UNC5D: variants seen among roughly 807,000 people sequenced by gnomAD.
UNC5D encodes netrin receptor UNC5D.
In UNC5D, 39 loss-of-function variants were observed where a neutral mutation model predicts 105.4. The observed-to-expected ratio is 0.37, with a 90% CI of 0.29 to 0.48. The LOEUF (loss-of-function observed/expected upper bound fraction) is 0.48, where lower values mean the gene tolerates loss of function less well. UNC5D is among the 20% of genes least tolerant of loss of function. The probability of loss-of-function intolerance (pLI) is 0.98; values close to 1 mark genes in which losing one functional copy is unlikely to be tolerated. For synonymous variants in UNC5D, 452 were observed against 450.4 expected, an observed-to-expected ratio of 1.00 and a Z score of -0.04; for missense variants, 991 against 1,202.4, an observed-to-expected ratio of 0.82 and a Z score of 2.60.
chr8:35,508,850 G>A (rs1812503102), intron 1 of UNC5D, among the ~76,000 whole-genome samples: 1 of 152,210 alleles, frequency 6.6e-6, no homozygotes, highest in Admixed American at 6.5e-5. Context: ...GAAATGAACT[G>A]GAGGTATTTG....
In UNC5D at chr8:35,549,417, G is replaced by T. The variant is rs1273419742; in HGVS notation, c.229G>T (p.Ala77Ser). ...CAACCCTATTGCACTCAGGTGCAAA[G>T]CGAGGCCAGCCATGCAGATATTCTT... ...KSNPIALRCK[A>S]RPAMQIFFKC... Residue 77 changes from alanine to serine, a missense_variant, in exon 2 of 17, where the codon GCG becomes TCG. Transcript: ENST00000404895. 1 of 1,613,192 alleles carries T rather than the reference G, an allele frequency of 6.2e-7. No individual in the cohort carries two copies. Among genetic ancestry groups the T allele is most frequent in the Non-Finnish European group, 8.5e-7 (1 of 1,180,044 alleles).
chr8:35,703,156 CTT>C (rs1234510963), intron 7 of UNC5D, among the ~76,000 whole-genome samples: 1 of 151,714 alleles, frequency 6.6e-6, no homozygotes, highest in Non-Finnish European at 1.5e-5. Context: ...GGAGTTGTGA[CTT>C]CTCTCTAAGC....
chr8:35,464,812 T>TAACA (rs1809177388), intron 1 of UNC5D, among the ~76,000 whole-genome samples: 1 of 152,242 alleles, frequency 6.6e-6, no homozygotes, highest in South Asian at 2.1e-4. Context: ...TTCCCACACA[T>TAACA]AACAGCATAA....
intron 11 of UNC5D, among the ~76,000 whole-genome samples, chr8:35,739,121 A>T (rs1829618843): frequency 6.6e-6 from 1 of 152,160 alleles, no homozygotes; most frequent in Non-Finnish European, 1.5e-5. Flanking sequence ...CTTTCAGGCT[A>T]CCAGTGCCAT....
chr8:35,388,131 TG>T (rs1229408698), intron 1 of UNC5D, among the ~76,000 whole-genome samples: 3 of 151,952 alleles, frequency 2.0e-5, no homozygotes, highest in Non-Finnish European at 4.4e-5. Flanking sequence ...CCCAGCACTT[TG>T]GGAGGCCGAG....
At chr8:35,330,734 G>A (rs1182103265) in intron 1 of UNC5D, among the ~76,000 whole-genome samples, 2 of 152,156 alleles carry the variant, frequency 1.3e-5, no homozygotes, top group Non-Finnish European at 2.9e-5. Flanking sequence ...TGGCATAGCT[G>A]GGGGCTGCAA....
At chr8:35,236,027 G>T (rs1481030435) in intron 1 of UNC5D, 140 bp downstream of exon 1, 2 of 715,540 alleles carry the variant, frequency 2.8e-6, no homozygotes, top group Admixed American at 4.4e-5. Context: ...GATGGGAGCC[G>T]AGTGGAGGAC....
intron 1 of UNC5D, among the ~76,000 whole-genome samples, chr8:35,547,721 A>G (rs1392413907): frequency 6.6e-6 from 1 of 152,242 alleles, no homozygotes; most frequent in Non-Finnish European, 1.5e-5. Flanking sequence ...GACATGCAGA[A>G]AGCAGGTCAG....
At chr8:35,394,706 G>A (rs953535883) in intron 1 of UNC5D, among the ~76,000 whole-genome samples, 1 of 152,060 alleles carries the variant, frequency 6.6e-6, no homozygotes, top group Non-Finnish European at 1.5e-5. Context: ...GACCAAAAAG[G>A]GAGGAACCGA....
At chr8:35,626,832 G>A (rs1225970038) in intron 4 of UNC5D, among the ~76,000 whole-genome samples, 1 of 152,098 alleles carries the variant, frequency 6.6e-6, no homozygotes, top group African/African-American at 2.4e-5. Flanking sequence ...ACACCTTGCT[G>A]ATACTTTTTT....
At chr8:35,457,840 G>C (rs1159245519) in intron 1 of UNC5D, among the ~76,000 whole-genome samples, 2 of 152,134 alleles carry the variant, frequency 1.3e-5, no homozygotes, top group Non-Finnish European at 2.9e-5. Context: ...TGTCCACACA[G>C]TAAGGGCTCA....
intron 1 of UNC5D, among the ~76,000 whole-genome samples, chr8:35,474,553 A>G (rs1165044354): frequency 6.6e-6 from 1 of 152,166 alleles, no homozygotes; most frequent in Non-Finnish European, 1.5e-5. Context: ...TAAATATTCC[A>G]TAAACTTCTC....
intron 7 of UNC5D, among the ~76,000 whole-genome samples, chr8:35,704,960 CTTTTTTTTTTT>C (rs1001514087): frequency 3.5e-5 from 4 of 115,594 alleles, no homozygotes; most frequent in African/African-American, 1.4e-4. Flanking sequence ...TGCTGAATGC[CTTTTTTTTTTT>C]TTTTTTTTTT....
chr8:35,553,044 A>G (rs1586116398), intron 2 of UNC5D, among the ~76,000 whole-genome samples: 4 of 152,178 alleles, frequency 2.6e-5, no homozygotes, highest in Admixed American at 1.3e-4. Context: ...TTGCCCACCA[A>G]TGACCTCAAA....
Position 35,271,748 on chromosome 8 carries a change from C to A in UNC5D, c.103+35861C>A, listed in dbSNP as rs141026266. 3.0e-3 allele frequency among the ~76,000 whole-genome samples: 238 copies of A among 80,456 alleles called. 5 individuals carry two copies. The highest frequency in any genetic ancestry group is 5.5e-3 in the Non-Finnish European group (199 of 35,938). The allele number at this position is 80,456 out of a possible 152,430, so 52.8% of individuals were successfully genotyped here. A position where few individuals can be genotyped will look rare whatever the true frequency, so the allele number is the denominator to read the frequency against. The stretch of plus-strand genomic sequence containing the variant: ...ATACATGTATACATATATATTTATA[C>A]ATGTATACATGTATACATATATTTA... On this transcript the variant is annotated intron_variant, in intron 1 of 16. Coordinates refer to ENST00000404895, the MANE Select transcript of UNC5D (RefSeq NM_080872.4).
chr8:35,646,529 T>C (rs368186794), intron 4 of UNC5D, among the ~76,000 whole-genome samples: 1 of 152,130 alleles, frequency 6.6e-6, no homozygotes. Context: ...GGCTCCTGTG[T>C]CATGTTTGAT....
At chr8:35,340,362 A>C (rs16883846) in intron 1 of UNC5D, among the ~76,000 whole-genome samples, 4,990 of 152,266 alleles carry the variant, frequency 0.033, 269 homozygotes, top group African/African-American at 0.11. Flanking sequence ...TGAGGGCCAG[A>C]TCCAGCAACA....
At chr8:35,666,251 C>T (rs189005367) in intron 4 of UNC5D, among the ~76,000 whole-genome samples, 123 of 151,810 alleles carry the variant, frequency 8.1e-4, no homozygotes, top group African/African-American at 2.6e-3. Context: ...ATATTTTATC[C>T]ATATAGGCAT....
chr8:35,304,351 A>G (rs1194754263), intron 1 of UNC5D, among the ~76,000 whole-genome samples: 2 of 152,100 alleles, frequency 1.3e-5, no homozygotes, highest in Admixed American at 1.3e-4. Flanking sequence ...TGAAAGAAGA[A>G]AACCCGTTTC....
Sources: gnomAD v4.1 joint callset for allele counts (sites outside exome capture counted in the v4.1 genomes callset) on GRCh38, gnomAD v4.1.1 for gene constraint, MANE v1.5 for transcripts, NCBI Gene and HGNC (gene_info 2026-07-23, HGNC 2026-07-21) for gene names.